CRISPLD2: variants seen among roughly 807,000 people sequenced by gnomAD.
The protein encoded by CRISPLD2 is cysteine-rich secretory protein LCCL domain-containing 2.
CRISPLD2 carries 47 observed loss-of-function variants against 71.1 expected under a neutral mutation model. The ratio of observed to expected loss-of-function variants is 0.66; its 90% CI spans 0.52 to 0.84. The LOEUF is 0.84. Among genes scored for constraint, CRISPLD2 ranks in the 40% least tolerant of loss-of-function variants. The probability of loss-of-function intolerance (pLI) is 0.00; values close to 1 mark genes in which losing one functional copy is unlikely to be tolerated. For synonymous variants in CRISPLD2, 317 were observed against 250.1 expected (o/e 1.27, Z -2.52); for missense variants, 830 against 651.1 (o/e 1.27, Z -2.99).
rs534841335 is a variant in CRISPLD2 at position 84,835,001 on chromosome 16, C to A, written c.-74-3421C>A. Among the ~76,000 whole-genome samples the A allele has an allele frequency of 1.3e-5, 2 of 152,142 alleles. 1 individual carries two copies. The highest frequency in any genetic ancestry group is 1.3e-4 in the Admixed American group (2 of 15,266). On this transcript the variant is annotated intron_variant, in intron 1 of 14. Transcript: ENST00000262424. ...GAGTTTGGGGAAAACCAGCTCAAAC[C>A]CATAGCTGTGTGCTTGTTCCTGTGC... is the stretch of plus-strand genomic sequence containing the variant.
At chr16:84,846,313 C>A (rs1220796468) in intron 3 of CRISPLD2, among the ~76,000 whole-genome samples, 2 of 147,694 alleles carry the variant, frequency 1.4e-5, no homozygotes, top group African/African-American at 5.0e-5. Context: ...AGTGCAGTGG[C>A]GCAATCTCGG....
rs2071640022 is a variant in CRISPLD2, at chr16:84,889,263, G to A, written c.1339G>A (p.Gly447Arg). The A allele has an allele frequency of 6.2e-7, 1 of 1,614,144 alleles. No individual in the cohort carries two copies. Among genetic ancestry groups the A allele is most frequent in the Non-Finnish European group, 8.5e-7 (1 of 1,180,016 alleles). ...SSICKTAVHA[G>R]VISNESGGDV... ...CATCTGCAAGACAGCCGTGCACGCG[G>A]GAGTCATCAGCAACGAGAGTGGGGG... The change falls in exon 14 of 15, where the codon GGA becomes AGA. Residue 447 changes from glycine (G) to arginine (R), a missense_variant. By Grantham distance (125) the Gly-to-Arg change is moderately radical. Coordinates refer to ENST00000262424, the MANE Select transcript of CRISPLD2 (RefSeq NM_031476.4).
chr16:84,862,353 C>T (rs1917407452), intron 6 of CRISPLD2, among the ~76,000 whole-genome samples: 1 of 152,060 alleles, frequency 6.6e-6, no homozygotes, highest in African/African-American at 2.4e-5. Flanking sequence ...TAGGCACATG[C>T]CACCATGGTT....
In CRISPLD2 at chr16:84,908,535, A is replaced by C. The variant is rs1325112632; in HGVS notation, c.*1893A>C. ...ACGATCCCAGTGGGCTCGCTTCCAA[A>C]GCATCCCACTCAAGGGAGACTTGAA... On this transcript the variant is annotated 3_prime_UTR_variant, in exon 15 of 15. Coordinates refer to ENST00000262424, the MANE Select transcript of CRISPLD2 (RefSeq NM_031476.4). 2 of 152,184 alleles carry C rather than the reference A, an allele frequency of 1.3e-5. No individual in the cohort carries two copies. The highest frequency in any genetic ancestry group is 6.5e-5 in the Admixed American group (1 of 15,278). The allele number at this position is 152,184 out of a possible 1,614,324, so 9.4% of individuals were successfully genotyped here.
intron 13 of CRISPLD2, among the ~76,000 whole-genome samples, chr16:84,883,998 C>G (rs962949694): frequency 2.6e-5 from 4 of 151,996 alleles, no homozygotes; most frequent in African/African-American, 9.7e-5. Flanking sequence ...TGCCCGCCAC[C>G]CACACCCAGC....
At chr16:84,868,131 A>C (rs557944775) in intron 7 of CRISPLD2, among the ~76,000 whole-genome samples, 4 of 152,064 alleles carry the variant, frequency 2.6e-5, no homozygotes, top group Non-Finnish European at 5.9e-5. Flanking sequence ...TCTTTTCATA[A>C]CTACCATCTC....
chr16:84,852,171 G>C (rs2641697), intron 5 of CRISPLD2, among the ~76,000 whole-genome samples: 92,935 of 152,092 alleles, frequency 0.61, 28,986 homozygotes, highest in Middle Eastern at 0.81. Flanking sequence ...ACCTGTTGAC[G>C]TCGTTTAACC....
chr16:84,845,639 C>T (rs1916892064), intron 2 of CRISPLD2, 147 bp from the exon 3 acceptor site: 1 of 647,028 alleles, frequency 1.5e-6, no homozygotes, highest in Non-Finnish European at 2.7e-6. Context: ...CCACGCCCCC[C>T]TGGCTGATTT....
intron 14 of CRISPLD2, among the ~76,000 whole-genome samples, chr16:84,901,510 C>T (rs984531261): frequency 2.0e-5 from 3 of 147,392 alleles, no homozygotes; most frequent in Admixed American, 6.9e-5. Context: ...CTCCCTGTGT[C>T]GCCCAGGCTG....
At chr16:84,900,795 T>C (rs902269666) in intron 14 of CRISPLD2, among the ~76,000 whole-genome samples, 72 of 152,140 alleles carry the variant, frequency 4.7e-4, no homozygotes, top group African/African-American at 1.7e-3. Flanking sequence ...CTCGCGCTTA[T>C]AATCCGGGCA....
chr16:84,876,685 C>T (rs28500744), intron 11 of CRISPLD2, among the ~76,000 whole-genome samples: 3 of 150,884 alleles, frequency 2.0e-5, no homozygotes, highest in Admixed American at 6.6e-5. Context: ...CCCAGCTACT[C>T]GGGAGGCTAA....
At chr16:84,879,901 A>G (rs959403861) in intron 12 of CRISPLD2, among the ~76,000 whole-genome samples, 13 of 152,202 alleles carry the variant, frequency 8.5e-5, no homozygotes, top group African/African-American at 3.1e-4. Flanking sequence ...TCTTAAGTAA[A>G]GCCCGTGCTC....
Position 84,869,732 on chromosome 16 carries a change from C to T in CRISPLD2, c.914+821C>T, listed in dbSNP as rs529713631. Among the ~76,000 whole-genome samples, 427 of 152,388 alleles carry T rather than the reference C, an allele frequency of 2.8e-3. 1 individual carries two copies. The highest frequency in any genetic ancestry group is 9.9e-3 in the African/African-American group (413 of 41,594). On this transcript the variant is annotated intron_variant, in intron 8 of 14. Transcript: ENST00000262424. The stretch of plus-strand genomic sequence containing the variant: ...GGGCGAATTGGGAAAAAGCAGGCAG[C>T]GCCTGGCAGGGGCCTCCGCCGTGTG...
In CRISPLD2 at chr16:84,906,745, C is replaced by T. The variant is rs2071806299; in HGVS notation, c.*103C>T. The T allele has an allele frequency of 7.7e-7, 1 of 1,294,930 alleles. No homozygotes were observed. Among genetic ancestry groups the T allele is most frequent in the Admixed American group, 1.7e-5 (1 of 58,530 alleles). The allele number at this position is 1,294,930 out of a possible 1,614,324, so 80.2% of individuals were successfully genotyped here. ...GGGTATATGGAGAGTCAGGAAACTT[C>T]CTTTGACTGATGTTCAGTGTCCATC... On this transcript the variant is annotated 3_prime_UTR_variant, in exon 15 of 15. Coordinates refer to ENST00000262424, the MANE Select transcript of CRISPLD2 (RefSeq NM_031476.4).
chr16:84,863,440 C>G (rs1394849527), intron 6 of CRISPLD2, among the ~76,000 whole-genome samples: 1 of 152,198 alleles, frequency 6.6e-6, no homozygotes, highest in African/African-American at 2.4e-5. Flanking sequence ...GCCTTGACCT[C>G]TAACGGAGAT....
Position 84,838,671 on chromosome 16 carries a change from T to C in CRISPLD2, c.176T>C (p.Ile59Thr). The C allele has an allele frequency of 6.2e-7, 1 of 1,614,178 alleles. No individual in the cohort carries two copies. Among genetic ancestry groups the C allele is most frequent in the Non-Finnish European group, 8.5e-7 (1 of 1,180,026 alleles). ...ATCCCCAGGGAGGACAAGGAGGAGA[T>C]CCTCATGCTGCACAACAAGCTTCGG... is the stretch of plus-strand genomic sequence containing the variant. ...RAIPREDKEEILMLHNKLRGQ... is the reference protein window; with the variant it reads ...RAIPREDKEETLMLHNKLRGQ... Residue 59 changes from isoleucine (I) to threonine (T), a missense_variant, in exon 2 of 15, where the codon ATC (isoleucine) becomes ACC (threonine). By Grantham distance (89) the Ile-to-Thr change is moderately conservative. Transcript: ENST00000262424.
At chr16:84,870,894 C>T (rs2071462696) in intron 8 of CRISPLD2, among the ~76,000 whole-genome samples, 1 of 151,358 alleles carries the variant, frequency 6.6e-6, no homozygotes, top group Admixed American at 6.6e-5. Flanking sequence ...CCTGTCTCTA[C>T]TAGAAATACA....
At chr16:84,902,991 C>A (rs1441681892) in intron 14 of CRISPLD2, among the ~76,000 whole-genome samples, 1 of 151,884 alleles carries the variant, frequency 6.6e-6, no homozygotes, top group Non-Finnish European at 1.5e-5. Flanking sequence ...TGGTCTCGAA[C>A]TCCTGACTTC....
At chr16:84,885,641 CAG>C (rs2071606192) in intron 13 of CRISPLD2, among the ~76,000 whole-genome samples, 1 of 152,298 alleles carries the variant, frequency 6.6e-6, no homozygotes, top group African/African-American at 2.4e-5. Flanking sequence ...CATGTTAGCA[CAG>C]AGTTTTTAGA....
Sources: allele counts gnomAD v4.1 joint callset (sites outside exome capture counted in the v4.1 genomes callset), GRCh38; gene constraint gnomAD v4.1.1; transcripts MANE v1.5; gene names NCBI Gene and HGNC (gene_info 2026-07-23, HGNC 2026-07-21).